GAR1: variants seen among roughly 807,000 people sequenced by gnomAD.
GAR1 encodes the protein GAR1 ribonucleoprotein.
GAR1 carries 11 observed loss-of-function variants against 29.3 expected under a neutral mutation model. The observed-to-expected ratio is 0.38, with a 90% CI of 0.24 to 0.62. GAR1 has a LOEUF of 0.62. Among genes scored for constraint, GAR1 ranks in the 20% least tolerant of loss-of-function variants. The pLI, the probability that GAR1 is intolerant of heterozygous loss-of-function variation, is 0.62. For missense variants in GAR1, 237 were observed against 268.4 expected (o/e 0.88, Z 0.82); for synonymous variants, 87 against 93.3 (o/e 0.93, Z 0.39).
Position 109,816,799 on chromosome 4 carries a change from G to A in GAR1, c.214+421G>A, listed in dbSNP as rs758610673. ...TTTTGAAGCCGGGAGTTAGAGACCA[G>A]CCTGGATAATAAAGCAGGAGACCCT... is the stretch of plus-strand genomic sequence containing the variant. On this transcript the variant is annotated intron_variant, in intron 2 of 6. Coordinates refer to ENST00000226796, the MANE Select transcript of GAR1 (RefSeq NM_018983.4). Among the ~76,000 whole-genome samples the A allele has an allele frequency of 5.3e-5, 8 of 152,264 alleles. No individual in the cohort carries two copies. In the South Asian group the frequency reaches 1.2e-3, roughly 24 times the overall value.
In GAR1 at chr4:109,824,038, G is replaced by A. The variant is rs370316182; in HGVS notation, c.640+5G>A. 18 of 1,582,358 alleles carry A rather than the reference G, an allele frequency of 1.1e-5. No individual in the cohort carries two copies. The highest frequency in any genetic ancestry group is 1.5e-5 in the Non-Finnish European group (17 of 1,154,796). On this transcript the variant is annotated splice_donor_5th_base_variant and intron_variant, in intron 6 of 6. Coordinates refer to ENST00000226796, the MANE Select transcript of GAR1 (RefSeq NM_018983.4). ...GAAGAGGTGGTGGTTTCAGAGGTGAGTATTTTAAAAAGTCTTTAAATTGCT... is the reference window on the plus strand; with the variant it reads ...GAAGAGGTGGTGGTTTCAGAGGTGAATATTTTAAAAAGTCTTTAAATTGCT...
chr4:109,820,008 C>A (rs1733468954), intron 4 of GAR1, among the ~76,000 whole-genome samples: 1 of 152,074 alleles, frequency 6.6e-6, no homozygotes, highest in South Asian at 2.1e-4. Flanking sequence ...TGGGATAACA[C>A]AGTTAAATGA....
chr4:109,817,947 T>C lies in GAR1; in HGVS notation c.226T>C (p.Phe76Leu), dbSNP rs781063040. ...TTGTCCTGTTTCAGTATTAGGAGAG[T>C]TCCTGCATCCCTGTGAAGATGACAT... is the stretch of plus-strand genomic sequence containing the variant. The part of the protein sequence containing the change: ...PPERVVLLGE[F>L]LHPCEDDIVC... Residue 76 changes from phenylalanine (F) to leucine (L), a missense_variant, in exon 3 of 7, where the codon TTC (phenylalanine) becomes CTC (leucine). By Grantham distance (22) the Phe-to-Leu change is conservative. Coordinates refer to ENST00000226796, the MANE Select transcript of GAR1 (RefSeq NM_018983.4). 1.9e-6 allele frequency: 3 copies of C among 1,608,202 alleles called. No individual in the cohort carries two copies. The South Asian group carries it at 3.3e-5, about 18-fold the overall frequency.
chr4:109,818,051 T>C lies in GAR1; in HGVS notation c.330T>C (p.Ile110=), dbSNP rs373550481. 1 of 1,605,882 alleles carries C rather than the reference T, an allele frequency of 6.2e-7. No homozygotes were observed. The highest frequency in any genetic ancestry group is 8.5e-7 in the Non-Finnish European group (1 of 1,176,644). The change falls in exon 3 of 7, where the codon ATT becomes ATC. Residue 110 remains isoleucine (I), a synonymous_variant. Coordinates refer to ENST00000226796, the MANE Select transcript of GAR1 (RefSeq NM_018983.4). ...APVYLENKEQ[I]GKVDEIFGQL... is the part of the protein sequence containing the mutation. Reference sequence around the variant, plus strand: ...TTTACTTAGAAAACAAAGAACAAATTGGAAAAGTGGATGAAATATTTGGAC... The same window carrying C: ...TTTACTTAGAAAACAAAGAACAAATCGGAAAAGTGGATGAAATATTTGGAC...
At chr4:109,818,519 C>T (rs1253330181) in intron 3 of GAR1, among the ~76,000 whole-genome samples, 1 of 150,264 alleles carries the variant, frequency 6.7e-6, no homozygotes, top group African/African-American at 2.4e-5. Context: ...TGCTCTTTCC[C>T]TGCCTTCTTC....
At chr4:109,822,555 A>G in intron 5 of GAR1, 67 bp downstream of exon 5, 1 of 1,516,088 alleles carries the variant, frequency 6.6e-7, no homozygotes. Flanking sequence ...CATACAATAC[A>G]ATTTAGCTTT....
chr4:109,822,271 C>CT, intron 4 of GAR1, 76 bp from the exon 5 acceptor site: 3 of 864,540 alleles, frequency 3.5e-6, no homozygotes, highest in African/African-American at 1.8e-5. Context: ...AGTTTTGACT[C>CT]TATCATGTAG....
At chr4:109,823,860 T>A (rs960046955) in intron 5 of GAR1, 105 bp from the exon 6 acceptor site, 17 of 657,886 alleles carry the variant, frequency 2.6e-5, no homozygotes, top group African/African-American at 1.9e-4. Flanking sequence ...TATTGATCTT[T>A]TTAGGCTTAT....
Position 109,822,414 on chromosome 4 carries a change from G to T in GAR1, c.497G>T (p.Gly166Val). Reference sequence around the variant, plus strand: ...TTACCTCGACCTCCAGGTGAGAAAGGACCTCCAAGAGGTGGTGGCAGGGGA... The same window carrying T: ...TTACCTCGACCTCCAGGTGAGAAAGTACCTCCAAGAGGTGGTGGCAGGGGA... ...RFLPRPPGEK[G>V]PPRGGGRGGR... Residue 166 changes from glycine (G) to valine (V), a missense_variant, in exon 5 of 7, where the codon GGA (glycine) becomes GTA (valine). Physicochemically the swap from Gly to Val is moderately radical, Grantham distance 109. Transcript: ENST00000226796. 6.2e-7 allele frequency: 1 copy of T among 1,611,392 alleles called. No individual in the cohort carries two copies. The highest frequency in any genetic ancestry group is 8.5e-7 in the Non-Finnish European group (1 of 1,178,094).
At chr4:109,816,088 G>A in intron 1 of GAR1, 65 bp from the exon 2 acceptor site, 2 of 1,458,552 alleles carry the variant, frequency 1.4e-6, no homozygotes, top group South Asian at 1.1e-5. Flanking sequence ...CCGCAGCTCC[G>A]AGGGGTTGGA....
At chr4:109,818,850 C>A in intron 3 of GAR1, 151 bp from the exon 4 acceptor site, 1 of 533,046 alleles carries the variant, frequency 1.9e-6, no homozygotes, top group Non-Finnish European at 3.4e-6. Context: ...CAGGTGTGAG[C>A]CACCACGCCC....
intron 5 of GAR1, 95 bp downstream of exon 5, chr4:109,822,583 C>CTT (rs1017312658): frequency 4.7e-6 from 6 of 1,273,820 alleles, no homozygotes; most frequent in Non-Finnish European, 6.2e-6. Flanking sequence ...GCAAACCTCC[C>CTT]TTATGGTTCT....
rs1046926057 is a variant in GAR1, at chr4:109,824,538, G to C, written c.*107G>C. ...TCTTGAACAAGTCTTGAAGATCTTG[G>C]TCATTTTATGACAATGGATCTAAAA... On this transcript the variant is annotated 3_prime_UTR_variant, in exon 7 of 7. Coordinates refer to ENST00000226796, the MANE Select transcript of GAR1 (RefSeq NM_018983.4). The C allele has an allele frequency of 4.7e-6, 4 of 842,902 alleles. No individual in the cohort carries two copies. In the African/African-American group the frequency reaches 6.7e-5, roughly 14 times the overall value. The allele number at this position is 842,902 out of a possible 1,614,324, so 52.2% of individuals were successfully genotyped here. A position where few individuals can be genotyped will look rare whatever the true frequency, so the allele number is the denominator to read the frequency against.
chr4:109,824,441 T>A lies in GAR1; in HGVS notation c.*10T>A. ...AGGGAGAGGACATTAAGTGAAACAGTTGACAGACATCACCAGTTGACTTCT... is the reference window on the plus strand; with the variant it reads ...AGGGAGAGGACATTAAGTGAAACAGATGACAGACATCACCAGTTGACTTCT... On this transcript the variant is annotated 3_prime_UTR_variant, in exon 7 of 7. Coordinates refer to ENST00000226796, the MANE Select transcript of GAR1 (RefSeq NM_018983.4). 1 of 1,584,264 alleles carries A rather than the reference T, an allele frequency of 6.3e-7. No homozygotes were observed. The highest frequency in any genetic ancestry group is 1.3e-5 in the African/African-American group (1 of 74,468).
chr4:109,819,123 A>C (rs748394007), intron 4 of GAR1, 63 bp downstream of exon 4: 34 of 859,630 alleles, frequency 4.0e-5, no homozygotes, highest in Admixed American at 8.5e-5. Context: ...ATCTTAGGAA[A>C]GTCCTACTTG....
At chr4:109,816,068 G>A (rs1004740641) in intron 1 of GAR1, 85 bp from the exon 2 acceptor site, 2 of 1,298,220 alleles carry the variant, frequency 1.5e-6, no homozygotes, top group Admixed American at 1.7e-5. Flanking sequence ...TCTCCTTTAT[G>A]GTGTTCTCAC....
intron 4 of GAR1, among the ~76,000 whole-genome samples, chr4:109,821,555 A>T (rs1489898136): frequency 6.6e-6 from 1 of 152,218 alleles, no homozygotes; most frequent in Admixed American, 6.5e-5. Context: ...TATATCCTTC[A>T]TTACTTTGTG....
intron 4 of GAR1, chr4:109,819,277 A>G: frequency 1.8e-6 from 1 of 550,290 alleles, no homozygotes. Flanking sequence ...TTTTGCTCAT[A>G]TTACCAAAAT....
intron 4 of GAR1, among the ~76,000 whole-genome samples, chr4:109,822,135 A>C (rs1000728904): frequency 1.4e-5 from 2 of 142,202 alleles, no homozygotes; most frequent in African/African-American, 5.2e-5. Flanking sequence ...CGTTCTGCAC[A>C]TGTATCCCAG....
Sources: allele counts gnomAD v4.1 joint callset (sites outside exome capture counted in the v4.1 genomes callset), GRCh38; gene constraint gnomAD v4.1.1; transcripts MANE v1.5; gene names NCBI Gene and HGNC (gene_info 2026-07-23, HGNC 2026-07-21).